TACR1: variants seen among roughly 807,000 people sequenced by gnomAD.
The protein encoded by TACR1 is tachykinin receptor 1.
TACR1 carries 25 observed loss-of-function variants against 35.8 expected under a neutral mutation model. That is an observed-to-expected ratio of 0.70 (90% CI 0.51 to 0.98). TACR1 has a LOEUF of 0.98. Among genes scored for constraint, TACR1 ranks in the 50% least tolerant of loss-of-function variants. The probability of loss-of-function intolerance (pLI) is 0.00; values close to 1 mark genes in which losing one functional copy is unlikely to be tolerated. For missense variants in TACR1, 478 were observed against 522.9 expected (o/e 0.91, Z 0.84); for synonymous variants, 195 against 206.7 (o/e 0.94, Z 0.48).
intron 1 of TACR1, among the ~76,000 whole-genome samples, chr2:75,140,634 C>G (rs544323003): frequency 3.3e-5 from 5 of 152,330 alleles, no homozygotes; most frequent in African/African-American, 1.2e-4. Flanking sequence ...TTTCTCTAAT[C>G]TTCTCCATCA....
intron 3 of TACR1, among the ~76,000 whole-genome samples, chr2:75,053,221 A>C (rs1672502128): frequency 6.6e-6 from 1 of 152,118 alleles, no homozygotes; most frequent in African/African-American, 2.4e-5. Flanking sequence ...GAAACCCCTG[A>C]TCCGTTCTTC....
At chr2:75,187,469 A>C (rs1456339075) in intron 1 of TACR1, 1 of 152,048 alleles carries the variant, frequency 6.6e-6, no homozygotes, top group African/African-American at 2.4e-5. Context: ...AAACTCCGGC[A>C]CCTCTTACAT....
intron 2 of TACR1, among the ~76,000 whole-genome samples, chr2:75,091,261 A>T (rs1007584432): frequency 1.3e-5 from 2 of 151,056 alleles, no homozygotes; most frequent in Non-Finnish European, 2.9e-5. Flanking sequence ...CTCTACCATA[A>T]CTCATGGTGA....
chr2:75,139,020 T>C (rs950895678), intron 1 of TACR1, among the ~76,000 whole-genome samples: 2 of 151,602 alleles, frequency 1.3e-5, no homozygotes, highest in African/African-American at 4.9e-5. Flanking sequence ...ATAAAATAAA[T>C]TAAATACATA....
At chr2:75,063,446 T>C (rs1672706328) in intron 2 of TACR1, among the ~76,000 whole-genome samples, 1 of 152,246 alleles carries the variant, frequency 6.6e-6, no homozygotes, top group African/African-American at 2.4e-5. Context: ...ATTATAACTA[T>C]TCAGCCCATT....
intron 2 of TACR1, among the ~76,000 whole-genome samples, chr2:75,062,176 C>T (rs56236339): frequency 0.043 from 6,560 of 152,150 alleles, 399 homozygotes; most frequent in African/African-American, 0.13. Context: ...TGAGAGCCTT[C>T]AGGCAAAGAG....
intron 1 of TACR1, among the ~76,000 whole-genome samples, chr2:75,171,028 TGAG>T (rs1675266829): frequency 6.6e-6 from 1 of 152,142 alleles, no homozygotes; most frequent in Non-Finnish European, 1.5e-5. Flanking sequence ...GCATAAGTAA[TGAG>T]GAGCCAAATG....
intron 2 of TACR1, among the ~76,000 whole-genome samples, chr2:75,099,709 T>C (rs1673495848): frequency 6.6e-6 from 1 of 152,096 alleles, no homozygotes; most frequent in Non-Finnish European, 1.5e-5. Flanking sequence ...ACACCTCTAG[T>C]TTCTCTCCTA....
intron 1 of TACR1, among the ~76,000 whole-genome samples, chr2:75,135,041 C>T (rs1674251672): frequency 6.6e-6 from 1 of 152,154 alleles, no homozygotes; most frequent in Non-Finnish European, 1.5e-5. Context: ...AGAAAGTAAA[C>T]ATTTCCCAGA....
intron 1 of TACR1, among the ~76,000 whole-genome samples, chr2:75,186,113 C>A (rs1675688762): frequency 6.6e-6 from 1 of 152,058 alleles, no homozygotes; most frequent in Non-Finnish European, 1.5e-5. Flanking sequence ...GTGGCTCACG[C>A]CTGTAATCCC....
At chr2:75,073,464 G>A (rs1046858817) in intron 2 of TACR1, among the ~76,000 whole-genome samples, 1 of 152,216 alleles carries the variant, frequency 6.6e-6, no homozygotes, top group Non-Finnish European at 1.5e-5. Flanking sequence ...CCATACATGA[G>A]GTTGGAATTG....
At chr2:75,141,313 T>C (rs996604744) in intron 1 of TACR1, among the ~76,000 whole-genome samples, 1 of 152,216 alleles carries the variant, frequency 6.6e-6, no homozygotes, top group Admixed American at 6.5e-5. Context: ...AATGTTAACT[T>C]TTCCCTATTC....
At chr2:75,178,575 C>T (rs1021003796) in intron 1 of TACR1, among the ~76,000 whole-genome samples, 1 of 152,104 alleles carries the variant, frequency 6.6e-6, no homozygotes, top group African/African-American at 2.4e-5. Flanking sequence ...ACCTTTCTAC[C>T]TAATACACTT....
intron 1 of TACR1, among the ~76,000 whole-genome samples, chr2:75,196,664 C>G (rs1386036637): frequency 1.3e-5 from 2 of 152,158 alleles, no homozygotes; most frequent in African/African-American, 2.4e-5. Flanking sequence ...ATCCCCACCC[C>G]TAACCTTCTA....
intron 1 of TACR1, among the ~76,000 whole-genome samples, chr2:75,155,336 G>A (rs914488808): frequency 4.6e-5 from 7 of 152,062 alleles, no homozygotes; most frequent in Non-Finnish European, 7.4e-5. Context: ...CTCTCTTGCC[G>A]TGAGCAACCT....
In TACR1 at chr2:75,092,523, T is replaced by C. The variant is rs79479581; in HGVS notation, c.584+28051A>G. On this transcript the variant is annotated intron_variant, in intron 2 of 4. Coordinates refer to ENST00000305249, the MANE Select transcript of TACR1 (RefSeq NM_001058.4). ...AATGATTCAGAGAGATGCTAGAAAA[T>C]GGGAAATGGGGACATTGTAGCACAA... Among the ~76,000 whole-genome samples the C allele has an allele frequency of 1.5e-3, 233 of 151,962 alleles. 6 individuals carry two copies. The East Asian group carries it at 0.04, about 26-fold the overall frequency.
intron 4 of TACR1, 144 bp downstream of exon 4, chr2:75,051,107 G>T: frequency 9.8e-7 from 1 of 1,020,416 alleles, no homozygotes; most frequent in Non-Finnish European, 1.5e-6. Flanking sequence ...GCCAGGCTGA[G>T]TTGTGTGATG....
rs1176440954 is a variant in TACR1 at position 75,051,405 on chromosome 2, A to T, written c.778T>A (p.Cys260Ser). 5.6e-6 allele frequency: 9 copies of T among 1,614,092 alleles called. No individual in the cohort carries two copies. Among genetic ancestry groups the T allele is most frequent in the Non-Finnish European group, 7.6e-6 (9 of 1,180,036 alleles). The change falls in exon 4 of 5, where the codon TGC becomes AGC. Residue 260 changes from cysteine to serine, a missense_variant. Coordinates refer to ENST00000305249, the MANE Select transcript of TACR1 (RefSeq NM_001058.4). Reference sequence around the variant, plus strand: ...AAGAAGATGTGGAAGGGCAGCCAGCAGATGGCGAAGGTGCACACCACGACA... The same window carrying T: ...AAGAAGATGTGGAAGGGCAGCCAGCTGATGGCGAAGGTGCACACCACGACA... ...MIVVVCTFAI[C>S]WLPFHIFFLL...
intron 1 of TACR1, among the ~76,000 whole-genome samples, chr2:75,184,071 A>G (rs1675624992): frequency 6.6e-6 from 1 of 152,210 alleles, no homozygotes. Flanking sequence ...TGTAAGTTGT[A>G]TTTTATAGCA....
Sources: allele counts gnomAD v4.1 joint callset (sites outside exome capture counted in the v4.1 genomes callset), GRCh38; gene constraint gnomAD v4.1.1; transcripts MANE v1.5; gene names NCBI Gene and HGNC (gene_info 2026-07-23, HGNC 2026-07-21).